The following MPDZ variants were observed in gnomAD, a reference collection of about 807,000 sequenced individuals.
MPDZ encodes multiple PDZ domain protein.
Under a neutral mutation model 239.1 loss-of-function variants are expected in MPDZ, and 234 were observed. The ratio of observed to expected loss-of-function variants is 0.98; its 90% CI spans 0.88 to 1.09. The LOEUF is 1.09. Ranked by LOEUF, MPDZ falls within the 50% of genes least tolerant of loss-of-function variation. MPDZ has a pLI of 0.00. For synonymous variants in MPDZ, 1,048 were observed against 881.3 expected, an observed-to-expected ratio of 1.19 and a Z score of -3.35; for missense variants, 3,175 against 2,510.0, an observed-to-expected ratio of 1.26 and a Z score of -5.66.
chr9:13,173,364 G>A (rs1952031761), intron 21 of MPDZ, among the ~76,000 whole-genome samples: 1 of 152,128 alleles, frequency 6.6e-6, no homozygotes, highest in Admixed American at 6.6e-5. Context: ...CCCAATAGAT[G>A]AAGAAATGCT....
intron 3 of MPDZ, among the ~76,000 whole-genome samples, chr9:13,236,017 C>A (rs919060959): frequency 6.6e-6 from 1 of 151,586 alleles, no homozygotes; most frequent in Admixed American, 6.6e-5. Flanking sequence ...TTATACAATG[C>A]TGTCGACTTA....
At position 13,105,844 on chromosome 9, in the gene MPDZ, T is replaced by C. The variant is rs1434848512; in HGVS notation, c.*1121A>G. On this transcript the variant is annotated 3_prime_UTR_variant, in exon 47 of 47. Coordinates refer to ENST00000319217, the MANE Select transcript of MPDZ (RefSeq NM_001378778.1). ...GACTTTATATATTCTAATGTAGGAG[T>C]TTCACGCTCTAAAATGGGAATGAAC... 1 of 152,058 alleles carries C rather than the reference T, an allele frequency of 6.6e-6. No homozygotes were observed. Among genetic ancestry groups the C allele is most frequent in the African/African-American group, 2.4e-5 (1 of 41,412 alleles). 9.4% of individuals were successfully genotyped at this position (152,058 alleles called of 1,614,324 possible). A position where few individuals can be genotyped will look rare whatever the true frequency, so the allele number is the denominator to read the frequency against.
intron 1 of MPDZ, among the ~76,000 whole-genome samples, chr9:13,266,332 G>C (rs1001144859): frequency 2.6e-5 from 4 of 152,160 alleles, no homozygotes; most frequent in Admixed American, 2.6e-4. Context: ...TTTCTCTCCT[G>C]TACTGTGCTT....
chr9:13,185,736 A>T (rs1277601820), intron 18 of MPDZ, among the ~76,000 whole-genome samples: 1 of 152,162 alleles, frequency 6.6e-6, no homozygotes, highest in African/African-American at 2.4e-5. Flanking sequence ...TCAAACAGAA[A>T]TAAAATTTTA....
chr9:13,204,065 G>C (rs1407158243), intron 12 of MPDZ, among the ~76,000 whole-genome samples: 1 of 152,010 alleles, frequency 6.6e-6, no homozygotes, highest in African/African-American at 2.4e-5. Flanking sequence ...AAATTGTAAA[G>C]CTCATTCAAA....
intron 16 of MPDZ, among the ~76,000 whole-genome samples, chr9:13,189,323 G>T (rs374352642): frequency 1.3e-5 from 2 of 151,750 alleles, no homozygotes; most frequent in East Asian, 3.9e-4. Flanking sequence ...CCAGATGTTG[G>T]GTATATTAAT....
intron 1 of MPDZ, among the ~76,000 whole-genome samples, chr9:13,259,161 G>A (rs898225184): frequency 6.6e-6 from 1 of 151,950 alleles, no homozygotes; most frequent in African/African-American, 2.4e-5. Context: ...CGCTTCCTGT[G>A]AAACTTTAAT....
rs1299716023 is a variant in MPDZ at position 13,110,621 on chromosome 9, G to C, written c.5829+15C>G. ...CTACCTATATTCTGAATTATGCTTG[G>C]GATAAAAATCTTACCTGCATTTCAA... is the stretch of plus-strand genomic sequence containing the variant. On this transcript the variant is annotated intron_variant, in intron 44 of 46. Transcript: ENST00000319217. 11 of 1,596,678 alleles carry C rather than the reference G, an allele frequency of 6.9e-6. No individual in the cohort carries two copies. Among genetic ancestry groups the C allele is most frequent in the South Asian group, 1.1e-5 (1 of 90,262 alleles).
rs1220544365 is a variant in MPDZ, at chr9:13,241,323, G to C, written c.183+6312C>G. On this transcript the variant is annotated intron_variant, in intron 3 of 46. Transcript: ENST00000319217. Reference sequence around the variant, plus strand: ...CTATCATAAAAGTAAAACTATTTCAGGTGTAAGAAAGATCATTTTCATTTT... The same window carrying C: ...CTATCATAAAAGTAAAACTATTTCACGTGTAAGAAAGATCATTTTCATTTT... 2.0e-5 allele frequency among the ~76,000 whole-genome samples: 3 copies of C among 152,238 alleles called. No homozygotes were observed. In the East Asian group the frequency reaches 5.8e-4, roughly 29 times the overall value.
At chr9:13,170,370 C>G (rs1050966595) in intron 21 of MPDZ, among the ~76,000 whole-genome samples, 5 of 152,104 alleles carry the variant, frequency 3.3e-5, no homozygotes, top group Admixed American at 2.0e-4. Flanking sequence ...AGAAATAAAA[C>G]ATTTTTAAAT....
intron 16 of MPDZ, among the ~76,000 whole-genome samples, chr9:13,189,582 T>C (rs139911859): frequency 6.6e-6 from 1 of 152,206 alleles, no homozygotes; most frequent in African/African-American, 2.4e-5. Context: ...TTAGTGTAAG[T>C]AAGGAACAAC....
intron 1 of MPDZ, among the ~76,000 whole-genome samples, chr9:13,273,713 A>G (rs1973533734): frequency 6.6e-6 from 1 of 152,198 alleles, no homozygotes; most frequent in Non-Finnish European, 1.5e-5. Flanking sequence ...ATTAATTTTA[A>G]TAATATATTT....
At chr9:13,237,973 G>T (rs1964501868) in intron 3 of MPDZ, among the ~76,000 whole-genome samples, 1 of 152,180 alleles carries the variant, frequency 6.6e-6, no homozygotes, top group Admixed American at 6.5e-5. Flanking sequence ...TTTTCCTGTA[G>T]TAGAGAGTGA....
At chr9:13,274,696 A>G (rs1973770909) in intron 1 of MPDZ, 1 of 152,074 alleles carries the variant, frequency 6.6e-6, no homozygotes, top group South Asian at 2.1e-4. Context: ...AGGGGGAAAC[A>G]TTTCTGAAGG....
At chr9:13,145,793 G>A (rs1319318593) in intron 26 of MPDZ, among the ~76,000 whole-genome samples, 1 of 151,818 alleles carries the variant, frequency 6.6e-6, no homozygotes, top group Non-Finnish European at 1.5e-5. Context: ...GATCTTCCCG[G>A]CTCATTGGAA....
chr9:13,250,383 A>C lies in MPDZ; in HGVS notation c.-57-11T>G, dbSNP rs1429493895. The stretch of plus-strand genomic sequence containing the variant: ...AATTAAAATGGAACTCTGTGCAAAA[A>C]AGAAATAGAATGGTTATGTTTTATC... On this transcript the variant is annotated splice_polypyrimidine_tract_variant and intron_variant, in intron 1 of 46. Coordinates refer to ENST00000319217, the MANE Select transcript of MPDZ (RefSeq NM_001378778.1). 1.5e-6 allele frequency: 2 copies of C among 1,362,266 alleles called. No individual in the cohort carries two copies. The highest frequency in any genetic ancestry group is 2.0e-6 in the Non-Finnish European group (2 of 977,476). 84.4% of individuals were successfully genotyped at this position (1,362,266 alleles called of 1,614,324 possible).
intron 32 of MPDZ, among the ~76,000 whole-genome samples, chr9:13,132,188 A>G (rs1946096985): frequency 6.6e-6 from 1 of 152,244 alleles, no homozygotes; most frequent in African/African-American, 2.4e-5. Flanking sequence ...TAAATAAAAA[A>G]GGAGGCGAAA....
At chr9:13,178,292 C>T (rs913004606) in intron 19 of MPDZ, among the ~76,000 whole-genome samples, 1 of 151,516 alleles carries the variant, frequency 6.6e-6, no homozygotes, top group African/African-American at 2.4e-5. Flanking sequence ...GTACATACTG[C>T]TAACTTGTGT....
intron 15 of MPDZ, among the ~76,000 whole-genome samples, chr9:13,191,676 G>C (rs1954948966): frequency 6.6e-6 from 1 of 152,136 alleles, no homozygotes; most frequent in South Asian, 2.1e-4. Context: ...GCCAGGCAGA[G>C]TTGGGTAGGT....
Sources: allele counts gnomAD v4.1 joint callset (sites outside exome capture counted in the v4.1 genomes callset), GRCh38; gene constraint gnomAD v4.1.1; transcripts MANE v1.5; gene names NCBI Gene and HGNC (gene_info 2026-07-23, HGNC 2026-07-21).